Variants in DOCK3 observed in about 807,000 individuals in gnomAD.
The protein encoded by DOCK3 is dedicator of cytokinesis 3, also known as dedicator of cytokinesis protein 3.
A neutral mutation model predicts 265.6 loss-of-function variants in DOCK3; 60 were observed. The observed-to-expected ratio is 0.23, with a 90% CI of 0.18 to 0.28. The LOEUF (loss-of-function observed/expected upper bound fraction) is 0.28, where lower values mean the gene tolerates loss of function less well. Among genes scored for constraint, DOCK3 ranks in the 10% least tolerant of loss-of-function variants. The probability of loss-of-function intolerance (pLI) is 1.00; values close to 1 mark genes in which losing one functional copy is unlikely to be tolerated. For synonymous variants in DOCK3, 881 were observed against 938.0 expected (o/e 0.94, Z 1.11); for missense variants, 1,981 against 2,594.3 (o/e 0.76, Z 5.14).
intron 12 of DOCK3, among the ~76,000 whole-genome samples, chr3:51,180,479 A>ACTT (rs2087224989): frequency 6.6e-6 from 1 of 152,076 alleles, no homozygotes; most frequent in African/African-American, 2.4e-5. Flanking sequence ...GCCTCTTCCA[A>ACTT]CTTCTGGCTG....
chr3:51,049,975 A>G (rs1373791901), intron 5 of DOCK3, among the ~76,000 whole-genome samples: 5 of 152,208 alleles, frequency 3.3e-5, no homozygotes, highest in African/African-American at 1.2e-4. Flanking sequence ...CATCAAAAAG[A>G]ATAAAATATT....
intron 1 of DOCK3, among the ~76,000 whole-genome samples, chr3:50,751,418 C>T (rs533466137): frequency 9.4e-4 from 143 of 152,272 alleles, no homozygotes; most frequent in African/African-American, 3.3e-3. Context: ...GCTCTCCCTC[C>T]CCTTCCCCCA....
At chr3:51,062,313 A>G (rs563256992) in intron 5 of DOCK3, among the ~76,000 whole-genome samples, 8 of 152,214 alleles carry the variant, frequency 5.3e-5, no homozygotes, top group East Asian at 3.9e-4. Flanking sequence ...TGCATCATCA[A>G]TCTTCCCTTT....
intron 4 of DOCK3, among the ~76,000 whole-genome samples, chr3:50,931,244 C>T (rs1033642407): frequency 1.3e-5 from 2 of 152,200 alleles, no homozygotes; most frequent in African/African-American, 2.4e-5. Context: ...TCTCCACCTG[C>T]TTACCTTTCA....
chr3:50,959,886 G>A (rs1447395160), intron 5 of DOCK3, among the ~76,000 whole-genome samples: 1 of 152,078 alleles, frequency 6.6e-6, no homozygotes, highest in Non-Finnish European at 1.5e-5. Context: ...AGCCCTCTAT[G>A]TGTATATTTT....
intron 3 of DOCK3, among the ~76,000 whole-genome samples, chr3:50,872,646 TGG>T (rs1357485989): frequency 6.6e-6 from 1 of 152,220 alleles, no homozygotes; most frequent in Non-Finnish European, 1.5e-5. Context: ...CCCCAGTTCC[TGG>T]GTGAGTTTAG....
intron 9 of DOCK3, among the ~76,000 whole-genome samples, chr3:51,135,940 G>A (rs1284573355): frequency 6.6e-6 from 1 of 152,074 alleles, no homozygotes; most frequent in African/African-American, 2.4e-5. Context: ...GAACTCCTGG[G>A]CTCAAGTGAT....
intron 9 of DOCK3, among the ~76,000 whole-genome samples, chr3:51,094,248 C>T (rs2082740609): frequency 6.6e-6 from 1 of 152,102 alleles, no homozygotes; most frequent in Non-Finnish European, 1.5e-5. Flanking sequence ...GGAATGGTAC[C>T]AGCTCCTCTT....
At chr3:50,793,937 G>GA (rs1328638312) in intron 2 of DOCK3, among the ~76,000 whole-genome samples, 3 of 152,056 alleles carry the variant, frequency 2.0e-5, no homozygotes, top group Admixed American at 2.0e-4. Flanking sequence ...TTATATTTTT[G>GA]TTCTCATTAG....
intron 35 of DOCK3, among the ~76,000 whole-genome samples, 163 bp downstream of exon 35, chr3:51,333,416 A>G (rs1042071150): frequency 1.3e-5 from 2 of 152,168 alleles, no homozygotes; most frequent in African/African-American, 4.8e-5. Context: ...ATGACCAAGG[A>G]GAGACAGAGA....
In DOCK3 at chr3:51,381,934, TC is replaced by T. The variant is rs782475634; in HGVS notation, c.*378del. 1 of 185,862 alleles carries T rather than the reference TC, an allele frequency of 5.4e-6. No individual in the cohort carries two copies. Among genetic ancestry groups the T allele is most frequent in the East Asian group, 1.4e-4 (1 of 7,124 alleles). The allele number at this position is 185,862 out of a possible 1,614,324, so 11.5% of individuals were successfully genotyped here. ...GGCCCAGGAGTGGGAGCCCAGGCCC[TC>T]CCTCCAGGGTAGAGATGCACCGAAT... On this transcript the variant is annotated 3_prime_UTR_variant, in exon 53 of 53. Coordinates refer to ENST00000266037, the MANE Select transcript of DOCK3 (RefSeq NM_004947.5). This position sits in a 1 kb window ranked among gnomAD's most constrained non-coding sequence, Gnocchi z 5.6.
intron 52 of DOCK3, 104 bp from the exon 53 acceptor site, chr3:51,380,946 G>A (rs1286819586): frequency 1.2e-5 from 16 of 1,378,846 alleles, no homozygotes; most frequent in African/African-American, 4.3e-5. Context: ...TGCTGTTGAT[G>A]AGGGTTAAAG....
chr3:50,858,425 A>T (rs561702127), intron 3 of DOCK3, among the ~76,000 whole-genome samples: 302 of 117,760 alleles, frequency 2.6e-3, no homozygotes, highest in African/African-American at 8.3e-3. Flanking sequence ...CTTAAAATAT[A>T]ATAATAATAA....
At chr3:51,213,346 G>C (rs1402155670) in intron 13 of DOCK3, among the ~76,000 whole-genome samples, 2 of 152,118 alleles carry the variant, frequency 1.3e-5, no homozygotes, top group East Asian at 3.9e-4. Context: ...AGGCTTGACT[G>C]TTACAGCCTT....
chr3:50,875,875 T>G (rs1187921841), intron 3 of DOCK3, among the ~76,000 whole-genome samples: 1 of 150,884 alleles, frequency 6.6e-6, no homozygotes, highest in African/African-American at 2.4e-5. Context: ...AAAAAACAAC[T>G]GTTGTGTTTT....
intron 1 of DOCK3, among the ~76,000 whole-genome samples, chr3:50,720,308 G>A (rs1236029105): frequency 2.0e-5 from 3 of 151,998 alleles, no homozygotes; most frequent in East Asian, 1.9e-4. Context: ...CCCTCACATA[G>A]GCCCTAGAGT....
intron 1 of DOCK3, among the ~76,000 whole-genome samples, chr3:50,698,025 G>T (rs889796112): frequency 6.6e-6 from 1 of 152,040 alleles, no homozygotes; most frequent in Non-Finnish European, 1.5e-5. Flanking sequence ...GGGTGTCGAG[G>T]TATAATTCAC....
At chr3:51,296,713 T>C (rs1435634048) in intron 27 of DOCK3, among the ~76,000 whole-genome samples, 1 of 152,126 alleles carries the variant, frequency 6.6e-6, no homozygotes, top group East Asian at 1.9e-4. Context: ...CCTGACCTTG[T>C]GATCCGCCCG....
chr3:51,077,951 A>G (rs2082107856), intron 7 of DOCK3, among the ~76,000 whole-genome samples: 1 of 152,214 alleles, frequency 6.6e-6, no homozygotes, highest in Non-Finnish European at 1.5e-5. Flanking sequence ...ACCAAGCATC[A>G]ATAGACAAAG....
Sources: allele counts gnomAD v4.1 joint callset (sites outside exome capture counted in the v4.1 genomes callset), GRCh38; gene constraint gnomAD v4.1.1; non-coding constraint Gnocchi (gnomAD v3.1); transcripts MANE v1.5; gene names NCBI Gene and HGNC (gene_info 2026-07-23, HGNC 2026-07-21).